POT1: variants seen among roughly 807,000 people sequenced by gnomAD.
POT1 encodes protection of telomeres protein 1.
POT1 carries 47 observed loss-of-function variants against 78.5 expected under a neutral mutation model. The ratio of observed to expected loss-of-function variants is 0.60; its 90% CI spans 0.47 to 0.76. The LOEUF (loss-of-function observed/expected upper bound fraction) is 0.76. POT1 is among the 30% of genes least tolerant of loss of function. The pLI, the probability that POT1 is intolerant of heterozygous loss-of-function variation, is 0.00. For missense variants in POT1, 646 were observed against 749.9 expected, an observed-to-expected ratio of 0.86 and a Z score of 1.62; for synonymous variants, 259 against 260.7, an observed-to-expected ratio of 0.99 and a Z score of 0.06.
At position 124,852,925 on chromosome 7, in the gene POT1, G is replaced by A. The variant is rs774654708; in HGVS notation, c.869+47C>T. On this transcript the variant is annotated intron_variant, in intron 10 of 18. Coordinates refer to ENST00000357628, the MANE Select transcript of POT1 (RefSeq NM_015450.3). ...CAGGAACAATATTATCTTAGAAATC[G>A]GCTTAATCGATACCTTATTTACATT... 32 of 1,521,920 alleles carry A rather than the reference G, an allele frequency of 2.1e-5. No homozygotes were observed. Among genetic ancestry groups the A allele is most frequent in the South Asian group, 1.7e-4 (14 of 83,538 alleles). 94.3% of individuals were successfully genotyped at this position (1,521,920 alleles called of 1,614,324 possible). A position where few individuals can be genotyped will look rare whatever the true frequency, so the allele number is the denominator to read the frequency against.
intron 11 of POT1, among the ~76,000 whole-genome samples, chr7:124,850,459 G>A (rs975457089): frequency 6.6e-6 from 1 of 152,228 alleles, no homozygotes; most frequent in Non-Finnish European, 1.5e-5. Context: ...CGGGCGCAAT[G>A]GCCTGTGCCT....
At chr7:124,858,132 C>T (rs1343174951) in intron 9 of POT1, among the ~76,000 whole-genome samples, 4 of 152,174 alleles carry the variant, frequency 2.6e-5, no homozygotes, top group Non-Finnish European at 5.9e-5. Context: ...GTGAAGGGGT[C>T]AGGGAAATAC....
chr7:124,900,771 T>C, intron 3 of POT1: 2 of 349,702 alleles, frequency 5.7e-6, no homozygotes, highest in South Asian at 4.5e-5. Flanking sequence ...TGACGGTCAG[T>C]ACCTGGAACA....
intron 11 of POT1, among the ~76,000 whole-genome samples, chr7:124,849,726 T>C (rs1195755879): frequency 3.9e-5 from 6 of 152,122 alleles, no homozygotes; most frequent in Non-Finnish European, 8.8e-5. Flanking sequence ...TCAACATCTA[T>C]TAAATGAAAA....
At chr7:124,883,813 T>TA (rs576975390) in intron 6 of POT1, among the ~76,000 whole-genome samples, 254 of 151,636 alleles carry the variant, frequency 1.7e-3, no homozygotes, top group Non-Finnish European at 2.8e-3. Context: ...CATTTTCAAT[T>TA]AAAAAAAATT....
chr7:124,884,932 A>G (rs1430946121), intron 6 of POT1, among the ~76,000 whole-genome samples: 1 of 152,218 alleles, frequency 6.6e-6, no homozygotes, highest in Non-Finnish European at 1.5e-5. Flanking sequence ...ACTGAAACAC[A>G]GCTAAAATTA....
At chr7:124,829,462 T>C (rs959591368) in intron 15 of POT1, 120 bp from the exon 16 acceptor site, 3 of 631,784 alleles carry the variant, frequency 4.7e-6, no homozygotes, top group South Asian at 4.4e-5. Flanking sequence ...AGAAGAATAC[T>C]GCATCCCCTA....
chr7:124,909,311 C>A (rs1796836221), intron 3 of POT1, among the ~76,000 whole-genome samples: 1 of 151,844 alleles, frequency 6.6e-6, no homozygotes. Flanking sequence ...TCACATTAGT[C>A]TACCAAAGCA....
intron 3 of POT1, among the ~76,000 whole-genome samples, chr7:124,913,100 G>A (rs1464318960): frequency 1.3e-5 from 2 of 152,014 alleles, no homozygotes; most frequent in East Asian, 3.9e-4. Context: ...ATCTGATCCC[G>A]TGAAACTCCT....
chr7:124,876,352 T>G (rs774034914), intron 6 of POT1, among the ~76,000 whole-genome samples: 1 of 152,318 alleles, frequency 6.6e-6, no homozygotes, highest in Non-Finnish European at 1.5e-5. Context: ...AGGTCTGGAC[T>G]CATATAGTAA....
chr7:124,828,915 C>T (rs778283975), intron 16 of POT1: 12 of 563,142 alleles, frequency 2.1e-5, no homozygotes, highest in South Asian at 1.5e-4. Flanking sequence ...AATAATTTCA[C>T]TCTATTCTGA....
At chr7:124,846,251 C>T (rs376139114) in intron 12 of POT1, among the ~76,000 whole-genome samples, 1 of 151,798 alleles carries the variant, frequency 6.6e-6, no homozygotes, top group Non-Finnish European at 1.5e-5. Context: ...ACAGCTACAT[C>T]GACTTCTGTA....
chr7:124,862,417 C>G (rs1002672538), intron 8 of POT1, among the ~76,000 whole-genome samples: 1 of 152,160 alleles, frequency 6.6e-6, no homozygotes, highest in Non-Finnish European at 1.5e-5. Context: ...TAGATTCGCT[C>G]TAAGTTTGTT....
In POT1 at chr7:124,863,553, T is replaced by G. The variant is rs755644182; in HGVS notation, c.343A>C (p.Ile115Leu). ...AAATACTTGCTTGAAGTGCGAGGTATGATAGGGGCTCCCAAAGTTCCCTCA... is the reference window on the plus strand; with the variant it reads ...AAATACTTGCTTGAAGTGCGAGGTAGGATAGGGGCTCCCAAAGTTCCCTCA... ...TFEGTLGAPI[I>L]PRTSSKYFNF... Residue 115 changes from isoleucine to leucine, a missense_variant, in exon 8 of 19, where the codon ATA becomes CTA. Physicochemically the swap from Ile to Leu is conservative, Grantham distance 5. This residue lies in a region of POT1 where 252 missense variants were observed against 341.4 expected (regional missense o/e 0.74). Coordinates refer to ENST00000357628, the MANE Select transcript of POT1 (RefSeq NM_015450.3). 12 of 1,613,796 alleles carry G rather than the reference T, an allele frequency of 7.4e-6. No individual in the cohort carries two copies. Among genetic ancestry groups the G allele is most frequent in the Non-Finnish European group, 7.6e-6 (9 of 1,179,872 alleles).
Position 124,899,282 on chromosome 7 carries a change from CTA to C in POT1, c.-153-910_-153-909del, listed in dbSNP as rs1374746943. On this transcript the variant is annotated intron_variant, in intron 3 of 18. Coordinates refer to ENST00000357628, the MANE Select transcript of POT1 (RefSeq NM_015450.3). ...AGCAGGCCCTCCCAAAACAAACTGT[CTA>C]TGAATCAAACGAAAGACCTTATTTT... Among the ~76,000 whole-genome samples the C allele has an allele frequency of 2.0e-4, 31 of 152,274 alleles. No individual in the cohort carries two copies. The South Asian group carries it at 2.3e-3, about 11-fold the overall frequency.
intron 3 of POT1, among the ~76,000 whole-genome samples, chr7:124,903,821 A>T (rs1796686552): frequency 6.6e-6 from 1 of 152,222 alleles, no homozygotes; most frequent in Admixed American, 6.5e-5. Context: ...TGCAATAAAA[A>T]ATGATAAAGG....
chr7:124,901,157 C>T (rs1436136722), intron 3 of POT1, among the ~76,000 whole-genome samples: 1 of 152,160 alleles, frequency 6.6e-6, no homozygotes, highest in Non-Finnish European at 1.5e-5. Flanking sequence ...CAGTGGTTCT[C>T]CCAGCATGGA....
rs113118851 is a variant in POT1, at chr7:124,874,399, A to G, written c.125-3358T>C. 7.7e-3 allele frequency among the ~76,000 whole-genome samples: 1,172 copies of G among 152,314 alleles called. 23 individuals carry two copies. The highest frequency in any genetic ancestry group is 0.026 in the African/African-American group (1,098 of 41,576). On this transcript the variant is annotated intron_variant, in intron 6 of 18. Transcript: ENST00000357628. ...AGGAGAAAGGTATATAAAACCTAAA[A>G]TAAACTATACCTACATTTTTAAATA...
At chr7:124,911,678 T>G (rs755778291) in intron 3 of POT1, among the ~76,000 whole-genome samples, 6 of 152,024 alleles carry the variant, frequency 3.9e-5, no homozygotes, top group Non-Finnish European at 8.8e-5. Flanking sequence ...AAAGTAGAAG[T>G]GAGAAAAAAA....
Sources: gnomAD v4.1 joint callset for allele counts (sites outside exome capture counted in the v4.1 genomes callset) on GRCh38, gnomAD v4.1.1 for gene constraint, gnomAD v4.1.1 regional missense constraint, MANE v1.5 for transcripts, NCBI Gene and HGNC (gene_info 2026-07-23, HGNC 2026-07-21) for gene names.